The following DSG2 variants were observed in gnomAD, a reference collection of about 807,000 sequenced individuals.
DSG2 encodes desmoglein-2.
DSG2 carries 45 observed loss-of-function variants against 75.6 expected under a neutral mutation model. That is an observed-to-expected ratio of 0.60 (90% CI 0.47 to 0.76). The LOEUF (loss-of-function observed/expected upper bound fraction) is 0.76, where lower values mean the gene tolerates loss of function less well. Among genes scored for constraint, DSG2 ranks in the 30% least tolerant of loss-of-function variants. The pLI, the probability that DSG2 is intolerant of heterozygous loss-of-function variation, is 0.00. For synonymous variants in DSG2, 429 were observed against 483.9 expected (o/e 0.89, Z 1.49); for missense variants, 1,267 against 1,357.4 (o/e 0.93, Z 1.05).
intron 1 of DSG2, among the ~76,000 whole-genome samples, chr18:31,506,051 C>T (rs2073037825): frequency 6.6e-6 from 1 of 152,180 alleles, no homozygotes; most frequent in Non-Finnish European, 1.5e-5. Flanking sequence ...GAACTGCCCC[C>T]TGCAATCCTG....
In DSG2 at chr18:31,531,116, G is replaced by A; in HGVS notation, c.1144G>A (p.Val382Met). 6.2e-7 allele frequency: 1 copy of A among 1,614,088 alleles called. No homozygotes were observed. The highest frequency in any genetic ancestry group is 8.5e-7 in the Non-Finnish European group (1 of 1,180,004). The change falls in exon 9 of 15, where the codon GTG (valine) becomes ATG (methionine). Residue 382 changes from valine (V) to methionine (M), a missense_variant. Physicochemically the swap from Val to Met is conservative, Grantham distance 21 (BLOSUM62 1). Transcript: ENST00000261590. ...PIPIKVKVKN[V>M]KEGIHFKSSV... ...TCCCATCAAGGTCAAAGTGAAAAAT[G>A]TGAAAGAAGGCATTCATTTTAAAAG...
chr18:31,504,561 C>T (rs768035244), intron 1 of DSG2, among the ~76,000 whole-genome samples: 39 of 152,158 alleles, frequency 2.6e-4, no homozygotes, highest in Non-Finnish European at 2.4e-4. Context: ...GATGGGCAGA[C>T]GGCAGAGGGG....
chr18:31,507,576 C>G (rs2073045380), intron 1 of DSG2, among the ~76,000 whole-genome samples: 1 of 152,190 alleles, frequency 6.6e-6, no homozygotes, highest in South Asian at 2.1e-4. Flanking sequence ...TCTCCATATC[C>G]TCTCCAGCAT....
intron 14 of DSG2, chr18:31,543,336 C>G (rs1223051912): frequency 6.4e-6 from 1 of 155,148 alleles, no homozygotes; most frequent in African/African-American, 2.4e-5. Flanking sequence ...AAGTTGCATC[C>G]CTCTGCAGGA....
chr18:31,537,502 C>G (rs943654825), intron 11 of DSG2, among the ~76,000 whole-genome samples: 2 of 151,898 alleles, frequency 1.3e-5, no homozygotes. Flanking sequence ...ACCTGTAGTC[C>G]CAGCTACTCG....
intron 8 of DSG2, among the ~76,000 whole-genome samples, chr18:31,527,866 T>C (rs2073171973): frequency 6.6e-6 from 1 of 152,214 alleles, no homozygotes; most frequent in South Asian, 2.1e-4. Context: ...CTTTCTGGCT[T>C]ATACACAGTG....
At chr18:31,505,902 C>G (rs989071717) in intron 1 of DSG2, among the ~76,000 whole-genome samples, 33 of 152,146 alleles carry the variant, frequency 2.2e-4, no homozygotes, top group African/African-American at 6.8e-4. Context: ...CCTGGCCCGC[C>G]TCAGCCTCCC....
At chr18:31,542,439 C>T in intron 13 of DSG2, 81 bp from the exon 14 acceptor site, 1 of 1,510,498 alleles carries the variant, frequency 6.6e-7, no homozygotes, top group Non-Finnish European at 9.2e-7. Context: ...CCTATGCCCA[C>T]TTGACTCAGA....
chr18:31,499,357 C>CGTGTGTGT lies in DSG2; in HGVS notation c.45+1084_45+1091dup, dbSNP rs34693299. ...GTTTTGGTGGGATGTGGAAGAAAATCGTGTGTGTGTGTGTGTGTGTGTGTG... is the reference window on the plus strand; with the variant it reads ...GTTTTGGTGGGATGTGGAAGAAAATCGTGTGTGTGTGTGTGTGTGTGTGTGTGTGTGTG... On this transcript the variant is annotated intron_variant, in intron 1 of 14. Coordinates refer to ENST00000261590, the MANE Select transcript of DSG2 (RefSeq NM_001943.5). Among the ~76,000 whole-genome samples, 46 of 149,734 alleles carry CGTGTGTGT rather than the reference C, an allele frequency of 3.1e-4. 1 individual carries two copies. Among genetic ancestry groups the CGTGTGTGT allele is most frequent in the Middle Eastern group, 3.5e-3 (1 of 288 alleles).
At chr18:31,505,581 G>A (rs1477574396) in intron 1 of DSG2, among the ~76,000 whole-genome samples, 2 of 151,746 alleles carry the variant, frequency 1.3e-5, no homozygotes, top group African/African-American at 2.4e-5. Context: ...TAGAAAAGCT[G>A]GAATAATGAT....
In DSG2 at chr18:31,510,500, C is replaced by T. The variant is rs373267056; in HGVS notation, c.46-7739C>T. On this transcript the variant is annotated intron_variant, in intron 1 of 14. Coordinates refer to ENST00000261590, the MANE Select transcript of DSG2 (RefSeq NM_001943.5). ...TTGTTTAAACTCATCAAGGTGACTT[C>T]AGAACAGAAAGTCTTTTCTAAAAGT... Among the ~76,000 whole-genome samples the T allele has an allele frequency of 2.0e-5, 3 of 151,794 alleles. No homozygotes were observed. In the South Asian group the frequency reaches 6.2e-4, roughly 32 times the overall value.
intron 1 of DSG2, among the ~76,000 whole-genome samples, chr18:31,516,113 T>C (rs2073092787): frequency 6.6e-6 from 1 of 151,740 alleles, no homozygotes; most frequent in African/African-American, 2.4e-5. Context: ...GAGCAATAGA[T>C]TGTTAACAGA....
chr18:31,538,288 A>T (rs2073244247), intron 11 of DSG2, among the ~76,000 whole-genome samples: 1 of 152,218 alleles, frequency 6.6e-6, no homozygotes, highest in Admixed American at 6.5e-5. Flanking sequence ...GGGACTAGAG[A>T]AAACAAGATC....
chr18:31,514,920 C>A (rs1441257781), intron 1 of DSG2, among the ~76,000 whole-genome samples: 2 of 152,166 alleles, frequency 1.3e-5, no homozygotes, highest in Non-Finnish European at 2.9e-5. Context: ...AAACACATGA[C>A]ACTTGGTCAG....
Position 31,542,633 on chromosome 18 carries a change from C to G in DSG2, c.2115C>G (p.Val705=), listed in dbSNP as rs533874164. The G allele has an allele frequency of 9.9e-6, 16 of 1,614,104 alleles. No individual in the cohort carries two copies. In the South Asian group the frequency reaches 1.8e-4, roughly 18 times the overall value. The change falls in exon 14 of 15, where the codon GTC becomes GTG. Residue 705 remains valine (V), a synonymous_variant. Coordinates refer to ENST00000261590, the MANE Select transcript of DSG2 (RefSeq NM_001943.5). ...AAGGAAGTAGCTCTGCTTCCATTGT[C>G]AAAGGGCAACATGAGATGTCCGAGA... The part of the protein sequence containing the change: ...TMKGSSSASI[V]KGQHEMSEMD...
Position 31,498,284 on chromosome 18 carries a change from G to T in DSG2, c.33G>T (p.Leu11=). The change falls in exon 1 of 15, where the codon CTG becomes CTT. Residue 11 remains leucine (L), a synonymous_variant. Transcript: ENST00000261590. MARSPGRAYA[L]LLLLICFNVG... ...GGAGCCCGGGACGCGCGTACGCCCT[G>T]CTGCTTCTCCTGGTAAGTGCCGCAA... 1 of 1,265,768 alleles carries T rather than the reference G, an allele frequency of 7.9e-7. No homozygotes were observed. The highest frequency in any genetic ancestry group is 3.1e-5 in the East Asian group (1 of 32,472). 78.4% of individuals were successfully genotyped at this position (1,265,768 alleles called of 1,614,324 possible).
chr18:31,531,318 A>G, intron 9 of DSG2, 66 bp downstream of exon 9: 3 of 1,565,918 alleles, frequency 1.9e-6, no homozygotes, highest in African/African-American at 2.7e-5. Context: ...TTCAAAAATC[A>G]TAATCAAATC....
rs727504748 is a variant in DSG2, at chr18:31,531,126, G to A, written c.1154G>A (p.Gly385Asp). ...IKVKVKNVKE[G>D]IHFKSSVISI... ...GTCAAAGTGAAAAATGTGAAAGAAG[G>A]CATTCATTTTAAAAGCAGCGTCATC... Residue 385 changes from glycine (G) to aspartate (D), a missense_variant, in exon 9 of 15, where the codon GGC becomes GAC. Gly to Asp is a moderately conservative substitution (Grantham distance 94). Coordinates refer to ENST00000261590, the MANE Select transcript of DSG2 (RefSeq NM_001943.5). The A allele has an allele frequency of 1.2e-5, 20 of 1,614,096 alleles. No individual in the cohort carries two copies. The highest frequency in any genetic ancestry group is 4.5e-5 in the East Asian group (2 of 44,872).
chr18:31,524,969 T>C, intron 8 of DSG2, 81 bp downstream of exon 8: 2 of 1,314,092 alleles, frequency 1.5e-6, no homozygotes, highest in Non-Finnish European at 2.2e-6. Context: ...CCTGAACACT[T>C]AAAAGTGCTT....
Sources: gnomAD v4.1 joint callset for allele counts (sites outside exome capture counted in the v4.1 genomes callset) on GRCh38, gnomAD v4.1.1 for gene constraint, MANE v1.5 for transcripts, NCBI Gene and HGNC (gene_info 2026-07-23, HGNC 2026-07-21) for gene names.